ANKRD31: variants seen among roughly 807,000 people sequenced by gnomAD.
ANKRD31 encodes the protein ankyrin repeat domain 31.
Under a neutral mutation model 186.0 loss-of-function variants are expected in ANKRD31, and 147 were observed. The observed-to-expected ratio is 0.79, with a 90% CI of 0.69 to 0.91. The LOEUF is 0.91. Ranked by LOEUF, ANKRD31 falls within the 40% of genes least tolerant of loss-of-function variation. The pLI is 0.00. For synonymous variants in ANKRD31, 673 were observed against 736.4 expected (o/e 0.91, Z 1.39); for missense variants, 1,986 against 2,148.8 (o/e 0.92, Z 1.50).
intron 2 of ANKRD31, among the ~76,000 whole-genome samples, chr5:75,223,021 T>C (rs1757399659): frequency 6.6e-6 from 1 of 152,218 alleles, no homozygotes. Context: ...ATCCCTGTAC[T>C]GTCTTCCACA....
chr5:75,232,796 C>A (rs1279468452), intron 1 of ANKRD31, among the ~76,000 whole-genome samples: 1 of 152,066 alleles, frequency 6.6e-6, no homozygotes, highest in Non-Finnish European at 1.5e-5. Context: ...GAGCTAAAGG[C>A]AACTTGAAAA....
Position 75,144,157 on chromosome 5 carries a change from T to C in ANKRD31, c.3439A>G (p.Asn1147Asp). The C allele has an allele frequency of 2.5e-6, 1 of 397,246 alleles. No individual in the cohort carries two copies. Among genetic ancestry groups the C allele is most frequent in the Non-Finnish European group, 4.4e-6 (1 of 225,140 alleles). 24.6% of individuals were successfully genotyped at this position (397,246 alleles called of 1,614,324 possible). A position where few individuals can be genotyped will look rare whatever the true frequency, so the allele number is the denominator to read the frequency against. Residue 1147 changes from asparagine to aspartate, a missense_variant, in exon 15 of 26, where the codon AAT (asparagine) becomes GAT (aspartate). Asn to Asp is a conservative substitution (Grantham distance 23, BLOSUM62 1). Transcript: ENST00000506364. ...ISHKPDEELTNNISGDEITIR... is the reference protein window; with the variant it reads ...ISHKPDEELTDNISGDEITIR... ...GTTATTTCATCTCCACTGATGTTAT[T>C]AGTTAATTCCTCATCTGAAACAAAC...
At chr5:75,208,874 G>A (rs983826804) in intron 4 of ANKRD31, among the ~76,000 whole-genome samples, 1 of 152,082 alleles carries the variant, frequency 6.6e-6, no homozygotes, top group Non-Finnish European at 1.5e-5. Context: ...ATAAACATCT[G>A]GACCTCACTG....
At chr5:75,187,471 C>T (rs1456734197) in intron 10 of ANKRD31, among the ~76,000 whole-genome samples, 1 of 150,936 alleles carries the variant, frequency 6.6e-6, no homozygotes, top group African/African-American at 2.4e-5. Context: ...AAAAAAAAGG[C>T]TAATACAAAG....
intron 5 of ANKRD31, among the ~76,000 whole-genome samples, chr5:75,205,109 C>T (rs932393940): frequency 6.6e-6 from 1 of 152,154 alleles, no homozygotes; most frequent in Non-Finnish European, 1.5e-5. Flanking sequence ...CAAGCAATCA[C>T]CCTGGCTCAG....
chr5:75,155,060 T>C (rs556866682), intron 11 of ANKRD31, among the ~76,000 whole-genome samples: 2 of 152,244 alleles, frequency 1.3e-5, no homozygotes, highest in South Asian at 2.1e-4. Context: ...TCTAACTTTC[T>C]TGAGGGTGGG....
At chr5:75,166,898 A>C (rs1299763501) in intron 11 of ANKRD31, among the ~76,000 whole-genome samples, 2 of 152,166 alleles carry the variant, frequency 1.3e-5, no homozygotes, top group Admixed American at 6.5e-5. Flanking sequence ...CACTCTTTAA[A>C]AAATGTATTT....
At chr5:75,080,725 T>C in intron 24 of ANKRD31, 86 bp from the exon 25 acceptor site, 1 of 706,592 alleles carries the variant, frequency 1.4e-6, no homozygotes, top group East Asian at 3.1e-5. Flanking sequence ...ACCCTACCGA[T>C]GGGAAATACA....
chr5:75,152,343 C>T (rs1357912336), intron 12 of ANKRD31, among the ~76,000 whole-genome samples: 4 of 152,042 alleles, frequency 2.6e-5, no homozygotes, highest in African/African-American at 9.7e-5. Context: ...TAGGTTTCCA[C>T]CGCCAGCCTA....
chr5:75,230,795 G>A (rs184959301), intron 1 of ANKRD31, among the ~76,000 whole-genome samples, 160 bp from the exon 2 acceptor site: 1 of 152,246 alleles, frequency 6.6e-6, no homozygotes, highest in Admixed American at 6.5e-5. Flanking sequence ...TGTACATTTT[G>A]ATTGAAAACA....
At chr5:75,190,601 TTA>T (rs200208073) in intron 9 of ANKRD31, among the ~76,000 whole-genome samples, 8,210 of 120,664 alleles carry the variant, frequency 0.068, 510 homozygotes, top group African/African-American at 0.25. Flanking sequence ...ATTGAGGTGC[TTA>T]TATATGTGTG....
rs752962468 is a variant in ANKRD31, at chr5:75,196,155, C to T, written c.493G>A (p.Gly165Ser). 59 of 1,506,350 alleles carry T rather than the reference C, an allele frequency of 3.9e-5. 1 individual carries two copies. The South Asian group carries it at 7.1e-4, about 18-fold the overall frequency. The allele number at this position is 1,506,350 out of a possible 1,614,324, so 93.3% of individuals were successfully genotyped here. Residue 165 changes from glycine to serine, a missense_variant, in exon 7 of 26, where the codon GGC (glycine) becomes AGC (serine). Coordinates refer to ENST00000506364, the MANE Select transcript of ANKRD31 (RefSeq NM_001372053.1). The stretch of plus-strand genomic sequence containing the variant: ...GTATCAGATACTGTAATAGCAGTGC[C>T]TGAGAGAAGGCTAACTTCAGGAGAA... ...RDSPEVSLLS[G>S]TAITVSDTVA...
At chr5:75,216,866 T>A (rs1756991267) in intron 3 of ANKRD31, among the ~76,000 whole-genome samples, 2 of 152,168 alleles carry the variant, frequency 1.3e-5, no homozygotes, top group African/African-American at 4.8e-5. Context: ...TGTTCAGTGC[T>A]ATAAATCTCT....
chr5:75,199,618 T>C lies in ANKRD31; in HGVS notation c.447+13A>G. The C allele has an allele frequency of 6.6e-7, 1 of 1,525,734 alleles. No individual in the cohort carries two copies. Among genetic ancestry groups the C allele is most frequent in the Non-Finnish European group, 8.8e-7 (1 of 1,140,158 alleles). The allele number at this position is 1,525,734 out of a possible 1,614,324, so 94.5% of individuals were successfully genotyped here. ...CACAGTCTACATAGTTAATTTCTGTTATACAGACCAACCTTTTCTATGTGT... is the reference window on the plus strand; with the variant it reads ...CACAGTCTACATAGTTAATTTCTGTCATACAGACCAACCTTTTCTATGTGT... On this transcript the variant is annotated intron_variant, in intron 6 of 25. Coordinates refer to ENST00000506364, the MANE Select transcript of ANKRD31 (RefSeq NM_001372053.1).
chr5:75,087,934 T>C (rs1393280446), intron 23 of ANKRD31, among the ~76,000 whole-genome samples: 1 of 152,192 alleles, frequency 6.6e-6, no homozygotes, highest in South Asian at 2.1e-4. Flanking sequence ...TCTATGTAGC[T>C]AGACGCAAGA....
chr5:75,228,546 AG>A (rs1380190063), intron 2 of ANKRD31, among the ~76,000 whole-genome samples: 2 of 150,634 alleles, frequency 1.3e-5, no homozygotes, highest in Admixed American at 6.6e-5. Flanking sequence ...AATATAGACA[AG>A]GAAAAAAATG....
chr5:75,120,539 C>A (rs987697674), intron 17 of ANKRD31, among the ~76,000 whole-genome samples: 3 of 152,058 alleles, frequency 2.0e-5, no homozygotes, highest in Non-Finnish European at 2.9e-5. Context: ...TGTTTTTAAT[C>A]TTTCTGCTTG....
At chr5:75,158,680 C>A (rs1415982659) in intron 11 of ANKRD31, among the ~76,000 whole-genome samples, 1 of 151,976 alleles carries the variant, frequency 6.6e-6, no homozygotes, top group Non-Finnish European at 1.5e-5. Flanking sequence ...TTGTCCCAAC[C>A]ACTCAGGCAG....
At chr5:75,230,484 C>A (rs891527022) in intron 2 of ANKRD31, 78 bp downstream of exon 2, 4 of 1,148,782 alleles carry the variant, frequency 3.5e-6, no homozygotes, top group Non-Finnish European at 4.8e-6. Context: ...TCTCAGTTTC[C>A]AAGAACCTAT....
Sources: gnomAD v4.1 joint callset for allele counts (sites outside exome capture counted in the v4.1 genomes callset) on GRCh38, gnomAD v4.1.1 for gene constraint, MANE v1.5 for transcripts, NCBI Gene and HGNC (gene_info 2026-07-23, HGNC 2026-07-21) for gene names.